The following STRN variants were observed in gnomAD, a reference collection of about 807,000 sequenced individuals.
STRN encodes protein phosphatase 2 regulatory subunit B'''alpha.
STRN carries 53 observed loss-of-function variants against 96.3 expected under a neutral mutation model. The observed-to-expected ratio is 0.55, with a 90% CI of 0.44 to 0.69. The LOEUF is 0.69. STRN is among the 30% of genes least tolerant of loss of function. STRN has a pLI of 0.00. For missense variants in STRN, 987 were observed against 963.9 expected, an observed-to-expected ratio of 1.02 and a Z score of -0.32; for synonymous variants, 428 against 355.9, an observed-to-expected ratio of 1.20 and a Z score of -2.28.
rs1175956299 is a variant in STRN at position 36,841,826 on chromosome 2, C to G, written c.*7630G>C. 6.6e-6 allele frequency: 1 copy of G among 152,110 alleles called. No homozygotes were observed. The highest frequency in any genetic ancestry group is 2.1e-4 in the South Asian group (1 of 4,830). The allele number at this position is 152,110 out of a possible 1,614,324, so 9.4% of individuals were successfully genotyped here. ...AATATTTAATTTAGATAACAAGGAC[C>G]AATGACAAGCCAGAATTGGAACCAT... On this transcript the variant is annotated 3_prime_UTR_variant, in exon 18 of 18. Coordinates refer to ENST00000263918, the MANE Select transcript of STRN (RefSeq NM_003162.4).
At position 36,849,919 on chromosome 2, in the gene STRN, AG is replaced by A; in HGVS notation, c.2087-120del. The A allele has an allele frequency of 3.3e-6, 3 of 920,640 alleles. No homozygotes were observed. In the South Asian group the frequency reaches 4.6e-5, roughly 14 times the overall value. 57.0% of individuals were successfully genotyped at this position (920,640 alleles called of 1,614,324 possible). On this transcript the variant is annotated intron_variant, in intron 16 of 17. Coordinates refer to ENST00000263918, the MANE Select transcript of STRN (RefSeq NM_003162.4). ...CTCTCTGTGTGCTTACTGTATTAAT[AG>A]CTTTTTCCATCACCTAAAACAACAT...
chr2:36,861,400 T>A, intron 12 of STRN, 147 bp from the exon 13 acceptor site: 1 of 1,100,458 alleles, frequency 9.1e-7, no homozygotes, highest in Non-Finnish European at 1.3e-6. Flanking sequence ...ATCAAAGCAC[T>A]GTTCATTTTT....
At position 36,950,846 on chromosome 2, in the gene STRN, A is replaced by T. The variant is rs75207435; in HGVS notation, c.234+15384T>A. On this transcript the variant is annotated intron_variant, in intron 1 of 17. Transcript: ENST00000263918. ...TAGCTATAAGCATCTGAAAAGCTAA[A>T]TCTAAATTTTTTGAGGGGAAGCAGG... is the stretch of plus-strand genomic sequence containing the variant. Among the ~76,000 whole-genome samples the T allele has an allele frequency of 6.0e-4, 92 of 152,330 alleles. 2 individuals are homozygous for T. The East Asian group carries it at 0.012, about 19-fold the overall frequency.
intron 7 of STRN, among the ~76,000 whole-genome samples, chr2:36,890,460 A>G (rs1669360744): frequency 6.7e-6 from 1 of 149,232 alleles, no homozygotes; most frequent in Non-Finnish European, 1.5e-5. Context: ...TGTCAATATT[A>G]TCACTGCACC....
intron 3 of STRN, among the ~76,000 whole-genome samples, chr2:36,913,391 C>G (rs765085175): frequency 6.6e-6 from 1 of 152,186 alleles, no homozygotes; most frequent in South Asian, 2.1e-4. Flanking sequence ...ACCTCAGAAG[C>G]TCTGCTGCTA....
chr2:36,913,988 GA>G (rs1558650585), intron 3 of STRN, among the ~76,000 whole-genome samples: 3 of 151,802 alleles, frequency 2.0e-5, no homozygotes, highest in Admixed American at 6.5e-5. Context: ...TAAACTTGAT[GA>G]TTTTTTTTTT....
rs867059104 is a variant in STRN at position 36,858,021 on chromosome 2, G to T, written c.1672C>A (p.Pro558Thr). ...AGCAGAGGGCCTCGTAAAACAGAAG[G>T]ATCTATACAAAACAGTAAAAATGCA... ...PNIDPYDSYDPSVLRGPLLGH... is the reference protein window; with the variant it reads ...PNIDPYDSYDTSVLRGPLLGH... Residue 558 changes from proline to threonine, a missense_variant and splice_region_variant, in exon 14 of 18, where the codon CCT becomes ACT. By Grantham distance (38) the Pro-to-Thr change is conservative. Transcript: ENST00000263918. 5 of 1,588,162 alleles carry T rather than the reference G, an allele frequency of 3.1e-6. No homozygotes were observed. Among genetic ancestry groups the T allele is most frequent in the Non-Finnish European group, 4.3e-6 (5 of 1,165,240 alleles).
chr2:36,939,434 T>C (rs1670790113), intron 1 of STRN, among the ~76,000 whole-genome samples: 1 of 152,180 alleles, frequency 6.6e-6, no homozygotes, highest in Admixed American at 6.5e-5. Context: ...CATATACCTA[T>C]CTTATTCGCA....
intron 2 of STRN, among the ~76,000 whole-genome samples, chr2:36,920,652 A>AG (rs1419339225): frequency 6.6e-6 from 1 of 151,836 alleles, no homozygotes; most frequent in African/African-American, 2.4e-5. Context: ...AAAAAAAAAA[A>AG]AAAGACACAA....
At chr2:36,932,014 T>A (rs777592908) in intron 1 of STRN, among the ~76,000 whole-genome samples, 63 of 152,116 alleles carry the variant, frequency 4.1e-4, no homozygotes, top group Non-Finnish European at 7.5e-4. Context: ...AGAGACAGGG[T>A]CTTGCTATGT....
chr2:36,921,337 T>C (rs966766459), intron 2 of STRN, among the ~76,000 whole-genome samples: 2 of 152,198 alleles, frequency 1.3e-5, no homozygotes, highest in African/African-American at 4.8e-5. Flanking sequence ...CTTCCTTCTC[T>C]ATTTCTTTGT....
At chr2:36,955,910 A>G (rs2148274675) in intron 1 of STRN, among the ~76,000 whole-genome samples, 1 of 152,306 alleles carries the variant, frequency 6.6e-6, no homozygotes, top group East Asian at 1.9e-4. Flanking sequence ...CCCTATACAC[A>G]CAGTTTAAAC....
At position 36,857,839 on chromosome 2, in the gene STRN, T is replaced by C; in HGVS notation, c.1837+17A>G. On this transcript the variant is annotated intron_variant, in intron 14 of 17. Transcript: ENST00000263918. The stretch of plus-strand genomic sequence containing the variant: ...TTTTATAGAGGATTCAGCAAAATAA[T>C]TTTTTAAAGTATGTACCTTTAGTAT... The C allele has an allele frequency of 1.3e-6, 2 of 1,595,440 alleles. No individual in the cohort carries two copies. Among genetic ancestry groups the C allele is most frequent in the Non-Finnish European group, 1.7e-6 (2 of 1,166,920 alleles).
chr2:36,917,068 A>AT (rs1204516737), intron 2 of STRN, among the ~76,000 whole-genome samples: 3 of 148,972 alleles, frequency 2.0e-5, no homozygotes, highest in African/African-American at 7.6e-5. Flanking sequence ...ATAAAAATAA[A>AT]TAAAAAAAAA....
intron 1 of STRN, among the ~76,000 whole-genome samples, chr2:36,955,281 C>T (rs1664856943): frequency 6.6e-6 from 1 of 152,168 alleles, no homozygotes; most frequent in Non-Finnish European, 1.5e-5. Context: ...CACTTCCTTT[C>T]TCTAGCCCTA....
chr2:36,870,897 G>C (rs1360809537), intron 10 of STRN, among the ~76,000 whole-genome samples: 1 of 152,158 alleles, frequency 6.6e-6, no homozygotes, highest in Admixed American at 6.5e-5. Context: ...GTAGAAGAGA[G>C]TGATACTGAT....
In STRN at chr2:36,901,334, T is replaced by A. The variant is rs544209706; in HGVS notation, c.659+1250A>T. The stretch of plus-strand genomic sequence containing the variant: ...TCAGGAGGCCAAGGCGGGTGGATCA[T>A]GAGGTCAAGAGATGGAGACCATCCT... On this transcript the variant is annotated intron_variant, in intron 5 of 17. Coordinates refer to ENST00000263918, the MANE Select transcript of STRN (RefSeq NM_003162.4). 3.3e-4 allele frequency among the ~76,000 whole-genome samples: 50 copies of A among 152,168 alleles called. 1 individual carries two copies. In the South Asian group the frequency reaches 8.7e-3, roughly 27 times the overall value.
rs1427732545 is a variant in STRN, at chr2:36,840,152, T to C, written c.*9304A>G. The C allele has an allele frequency of 1.3e-5, 2 of 152,248 alleles. No homozygotes were observed. Among genetic ancestry groups the C allele is most frequent in the Admixed American group, 6.6e-5 (1 of 15,264 alleles). The allele number at this position is 152,248 out of a possible 1,614,324, so 9.4% of individuals were successfully genotyped here. On this transcript the variant is annotated 3_prime_UTR_variant, in exon 18 of 18. Coordinates refer to ENST00000263918, the MANE Select transcript of STRN (RefSeq NM_003162.4). ...TGGACAACAGCAGTCAGTAGGGCCA[T>C]CTGTAGGTTGCAAGGAAAGAGTGTG...
At chr2:36,910,926 C>T (rs1179081664) in intron 3 of STRN, among the ~76,000 whole-genome samples, 1 of 151,196 alleles carries the variant, frequency 6.6e-6, no homozygotes, top group South Asian at 2.1e-4. Flanking sequence ...AAGGTCTGGA[C>T]GTGGGACAAA....
Sources: gnomAD v4.1 joint callset for allele counts (sites outside exome capture counted in the v4.1 genomes callset) on GRCh38, gnomAD v4.1.1 for gene constraint, MANE v1.5 for transcripts, NCBI Gene and HGNC (gene_info 2026-07-23, HGNC 2026-07-21) for gene names.